The following CD244 variants were observed in gnomAD, a reference collection of about 807,000 sequenced individuals.
CD244 encodes the protein natural killer cell receptor 2B4.
CD244 carries 20 observed loss-of-function variants against 45.5 expected under a neutral mutation model. That is an observed-to-expected ratio of 0.44 (90% CI 0.31 to 0.64). The LOEUF is 0.64. CD244 is among the 30% of genes least tolerant of loss of function. CD244 has a pLI of 0.08. For missense variants in CD244, 407 were observed against 426.9 expected (o/e 0.95, Z 0.41); for synonymous variants, 185 against 160.5 (o/e 1.15, Z -1.15).
At chr1:160,833,963 G>T in intron 7 of CD244, 88 bp downstream of exon 7, 3 of 906,170 alleles carry the variant, frequency 3.3e-6, no homozygotes, top group Non-Finnish European at 3.7e-6. Context: ...AACTTGCCAG[G>T]ATGTGCACAC....
intron 1 of CD244, among the ~76,000 whole-genome samples, chr1:160,860,109 A>AG (rs1670244808): frequency 6.6e-6 from 1 of 152,164 alleles, no homozygotes; most frequent in Non-Finnish European, 1.5e-5. Context: ...CGGGAGGCTG[A>AG]GGCAGGACAA....
chr1:160,847,214 T>G (rs1249616944), intron 1 of CD244, among the ~76,000 whole-genome samples: 6 of 152,022 alleles, frequency 3.9e-5, no homozygotes, highest in Non-Finnish European at 5.9e-5. Context: ...AAAATAAAAT[T>G]TGATAGAACT....
intron 1 of CD244, among the ~76,000 whole-genome samples, chr1:160,855,122 G>T (rs992863598): frequency 2.6e-5 from 4 of 152,222 alleles, no homozygotes; most frequent in Non-Finnish European, 5.9e-5. Flanking sequence ...TGTTGGCAAG[G>T]TTGGTGGAAT....
At position 160,830,297 on chromosome 1, in the gene CD244, G is replaced by A. The variant is rs563296548; in HGVS notation, c.*1050C>T. The A allele has an allele frequency of 6.6e-6, 1 of 152,472 alleles. No individual in the cohort carries two copies. Among genetic ancestry groups the A allele is most frequent in the African/African-American group, 2.4e-5 (1 of 41,560 alleles). 9.4% of individuals were successfully genotyped at this position (152,472 alleles called of 1,614,324 possible). A position where few individuals can be genotyped will look rare whatever the true frequency, so the allele number is the denominator to read the frequency against. ...CAGGCTTTGTGCAGTATCACCTGTTGGGGTCTCTGAGTAAGTCCTCTCCCA... is the reference window on the plus strand; with the variant it reads ...CAGGCTTTGTGCAGTATCACCTGTTAGGGTCTCTGAGTAAGTCCTCTCCCA... On this transcript the variant is annotated 3_prime_UTR_variant, in exon 9 of 9. Transcript: ENST00000368034.
At chr1:160,859,661 C>T (rs1266780337) in intron 1 of CD244, among the ~76,000 whole-genome samples, 1 of 151,242 alleles carries the variant, frequency 6.6e-6, no homozygotes, top group Non-Finnish European at 1.5e-5. Flanking sequence ...AGTCCCACCA[C>T]TTTGGGAGAC....
intron 1 of CD244, among the ~76,000 whole-genome samples, chr1:160,849,874 G>A (rs554080687): frequency 4.6e-5 from 7 of 152,134 alleles, no homozygotes; most frequent in Admixed American, 6.5e-5. Flanking sequence ...TTAGCCAGGC[G>A]GGTGGCAGTC....
At chr1:160,861,515 C>G (rs1670303169) in intron 1 of CD244, among the ~76,000 whole-genome samples, 1 of 152,124 alleles carries the variant, frequency 6.6e-6, no homozygotes, top group African/African-American at 2.4e-5. Context: ...CCGTGAAGCC[C>G]CTGCAGAGTC....
intron 5 of CD244, among the ~76,000 whole-genome samples, chr1:160,836,701 G>A (rs1337442099): frequency 6.6e-6 from 1 of 152,148 alleles, no homozygotes; most frequent in Non-Finnish European, 1.5e-5. Flanking sequence ...AGCGCCCTGG[G>A]CAGCTATAGT....
chr1:160,846,369 G>A (rs372641572), intron 1 of CD244, among the ~76,000 whole-genome samples: 1 of 152,166 alleles, frequency 6.6e-6, no homozygotes, highest in South Asian at 2.1e-4. Context: ...CTAGAATTTC[G>A]GTACTTCAAA....
At position 160,834,086 on chromosome 1, in the gene CD244, A is replaced by C. The variant is rs1458862821; in HGVS notation, c.925T>G (p.Tyr309Asp). 1 of 1,612,156 alleles carries C rather than the reference A, an allele frequency of 6.2e-7. No individual in the cohort carries two copies. ...SSAPTSQEPA[Y>D]TLYSLIQPSR... is the part of the protein sequence containing the mutation. ...GGCTGAATTAATGAATATAATGTAT[A>C]TGCAGGTTCTTGTGACGTGGGAGCA... Residue 309 changes from tyrosine to aspartate, a missense_variant, in exon 7 of 9, where the codon TAT becomes GAT. Transcript: ENST00000368034.
chr1:160,847,563 C>A (rs1292572380), intron 1 of CD244, among the ~76,000 whole-genome samples: 1 of 152,036 alleles, frequency 6.6e-6, no homozygotes, highest in African/African-American at 2.4e-5. Flanking sequence ...CAGAAAATCT[C>A]TGAATGTTTA....
intron 6 of CD244, among the ~76,000 whole-genome samples, chr1:160,835,273 G>C (rs1669293769): frequency 6.6e-6 from 1 of 152,110 alleles, no homozygotes; most frequent in African/African-American, 2.4e-5. Context: ...AATATAAGAG[G>C]TGGAGTATGA....
chr1:160,840,093 C>G (rs1457245251), intron 3 of CD244, among the ~76,000 whole-genome samples: 7 of 151,580 alleles, frequency 4.6e-5, no homozygotes, highest in African/African-American at 1.7e-4. Context: ...AATTGAGGCT[C>G]AGAGAGGTTA....
chr1:160,854,460 G>A (rs1057308200), intron 1 of CD244, among the ~76,000 whole-genome samples: 14 of 152,084 alleles, frequency 9.2e-5, no homozygotes, highest in Non-Finnish European at 1.0e-4. Flanking sequence ...TCGGCTCACT[G>A]CAATCTCTGC....
chr1:160,832,691 C>T, intron 7 of CD244, 116 bp from the exon 8 acceptor site: 1 of 1,546,744 alleles, frequency 6.5e-7, no homozygotes. Flanking sequence ...GAGGCACTCT[C>T]AGCCAGAAAA....
intron 1 of CD244, among the ~76,000 whole-genome samples, chr1:160,855,641 C>T (rs1284572802): frequency 1.3e-5 from 2 of 152,184 alleles, no homozygotes; most frequent in African/African-American, 2.4e-5. Flanking sequence ...GAGGACCCAA[C>T]AAGTGAAAAT....
chr1:160,855,358 T>G (rs1337858539), intron 1 of CD244, among the ~76,000 whole-genome samples: 1 of 152,162 alleles, frequency 6.6e-6, no homozygotes, highest in African/African-American at 2.4e-5. Flanking sequence ...AATTTTCTCC[T>G]GCAGCCCCCA....
At chr1:160,861,949 G>A (rs1159825929) in intron 1 of CD244, among the ~76,000 whole-genome samples, 3 of 152,234 alleles carry the variant, frequency 2.0e-5, no homozygotes, top group Non-Finnish European at 4.4e-5. Flanking sequence ...TGGAGAAAGA[G>A]GGGAGCAGCC....
At chr1:160,857,757 A>G (rs1028020604) in intron 1 of CD244, among the ~76,000 whole-genome samples, 1 of 152,248 alleles carries the variant, frequency 6.6e-6, no homozygotes. Context: ...CTGTGAAGAC[A>G]ATGGCCTGGC....
Sources: gnomAD v4.1 joint callset for allele counts (sites outside exome capture counted in the v4.1 genomes callset) on GRCh38, gnomAD v4.1.1 for gene constraint, MANE v1.5 for transcripts, NCBI Gene and HGNC (gene_info 2026-07-23, HGNC 2026-07-21) for gene names.